Variants in MYH15 observed in about 807,000 individuals in gnomAD.
MYH15 encodes the protein myosin heavy chain 15.
Under a neutral mutation model 240.5 loss-of-function variants are expected in MYH15, and 227 were observed. That is an observed-to-expected ratio of 0.94 (90% CI 0.85 to 1.05). The LOEUF is 1.05. MYH15 is among the 50% of genes least tolerant of loss of function. MYH15 has a pLI of 0.00. For synonymous variants in MYH15, 785 were observed against 796.7 expected (o/e 0.99, Z 0.25); for missense variants, 2,217 against 2,247.5 (o/e 0.99, Z 0.27).
At chr3:108,435,804 GTGTATATGTATATATACATATA>G (rs930732767) in intron 25 of MYH15, among the ~76,000 whole-genome samples, 27 of 144,716 alleles carry the variant, frequency 1.9e-4, no homozygotes, top group South Asian at 2.2e-4. Context: ...ATAGGTTTTT[GTGTATATGTATATATACATATA>G]TGTATATGTA....
intron 30 of MYH15, among the ~76,000 whole-genome samples, chr3:108,413,508 C>G (rs1427762767): frequency 6.6e-6 from 1 of 152,124 alleles, no homozygotes; most frequent in Admixed American, 6.5e-5. Flanking sequence ...TTGAGTAAAC[C>G]TTGAATGATT....
At chr3:108,512,579 G>A (rs951263609), upstream of MYH15, among the ~76,000 whole-genome samples, 2 of 152,178 alleles carry the variant, frequency 1.3e-5, no homozygotes, top group Admixed American at 6.6e-5. Flanking sequence ...CCTAAGAAAT[G>A]GATGTCTGTC....
chr3:108,540,259 C>T, the MYH15 span, among the ~76,000 whole-genome samples: 4 of 152,150 alleles, frequency 2.6e-5, no homozygotes, highest in African/African-American at 9.7e-5. Context: ...AAAATGTTAG[C>T]TAAAGTCATG....
intron 15 of MYH15, among the ~76,000 whole-genome samples, chr3:108,464,318 C>T (rs1403170299): frequency 6.6e-6 from 1 of 152,144 alleles, no homozygotes. Flanking sequence ...CATTCATTCA[C>T]ACAACGTTAA....
At position 108,428,774 on chromosome 3, in the gene MYH15, C is replaced by T; in HGVS notation, c.3420G>A (p.Glu1140=). 6.2e-7 allele frequency: 1 copy of T among 1,614,076 alleles called. No individual in the cohort carries two copies. Among genetic ancestry groups the T allele is most frequent in the Non-Finnish European group, 8.5e-7 (1 of 1,179,996 alleles). ...TGGATCCTCCTACCTCCTCCAGCCT[C>T]TCATTCAAGTCAGCCAGGTCTTGGG... The part of the protein sequence containing the change: ...DLTQDLADLN[E]RLEEVGGSSL... Residue 1140 remains glutamate (E), a synonymous_variant, in exon 27 of 41, where the codon GAG becomes GAA. Coordinates refer to ENST00000693548, the MANE Select transcript of MYH15 (RefSeq NM_014981.3).
In MYH15 at chr3:108,484,171, C is replaced by T. The variant is rs370885950; in HGVS notation, c.1114+920G>A. Among the ~76,000 whole-genome samples the T allele has an allele frequency of 1.2e-4, 18 of 152,164 alleles. 1 individual carries two copies. In the South Asian group the frequency reaches 1.2e-3, roughly 11 times the overall value. On this transcript the variant is annotated intron_variant, in intron 11 of 40. Coordinates refer to ENST00000693548, the MANE Select transcript of MYH15 (RefSeq NM_014981.3). ...ATGAATGGGTTTTCTCTTTTTGTTT[C>T]GGTTGTAAGGAATTTTAATATTAAA... is the stretch of plus-strand genomic sequence containing the variant.
chr3:108,415,715 G>GGAA (rs2107551262), intron 29 of MYH15, among the ~76,000 whole-genome samples: 1 of 152,268 alleles, frequency 6.6e-6, no homozygotes, highest in African/African-American at 2.4e-5. Context: ...TTAAGCAACG[G>GGAA]GAAGGGCAGT....
chr3:108,421,199 G>A lies in MYH15; in HGVS notation c.3718C>T (p.Leu1240Phe), dbSNP rs755115200. ...MTRAKANAEKLCTLYEERLHE... is the reference protein window; with the variant it reads ...MTRAKANAEKFCTLYEERLHE... ...AAGCGCTCTTCATATAGAGTACAGA[G>A]TTTCTCAGCATTTGCCTATAAGTTG... Residue 1240 changes from leucine to phenylalanine, a missense_variant, in exon 28 of 41, where the codon CTC (leucine) becomes TTC (phenylalanine). Leu to Phe is a conservative substitution (Grantham distance 22). Coordinates refer to ENST00000693548, the MANE Select transcript of MYH15 (RefSeq NM_014981.3). 1.9e-5 allele frequency: 31 copies of A among 1,612,968 alleles called. No homozygotes were observed. Among genetic ancestry groups the A allele is most frequent in the Middle Eastern group, 3.3e-4 (2 of 6,058 alleles).
At position 108,383,821 on chromosome 3, in the gene MYH15, GTGAAA is replaced by G. The variant is rs1379612791; in HGVS notation, c.5632-97_5632-93del. 2.9e-6 allele frequency: 3 copies of G among 1,038,384 alleles called. No homozygotes were observed. The African/African-American group carries it at 5.0e-5, about 17-fold the overall frequency. 64.3% of individuals were successfully genotyped at this position (1,038,384 alleles called of 1,614,324 possible). ...CTCTGACATGAGAAAGTTGAATAAT[GTGAAA>G]AGAATCTAAACTTCTGAGTATTGAA... On this transcript the variant is annotated intron_variant, in intron 39 of 40. Transcript: ENST00000693548.
At chr3:108,402,373 C>A (rs1420886087) in intron 33 of MYH15, among the ~76,000 whole-genome samples, 9 of 152,172 alleles carry the variant, frequency 5.9e-5, no homozygotes, top group Non-Finnish European at 2.9e-5. Context: ...GTGGACTTTA[C>A]AGAAGGAACA....
At chr3:108,520,955 G>T (rs1032109150) in intron 1 of MYH15, among the ~76,000 whole-genome samples, 6 of 151,982 alleles carry the variant, frequency 3.9e-5, no homozygotes, top group African/African-American at 1.2e-4. Flanking sequence ...GTAAGATAGG[G>T]TTTATTATTC....
chr3:108,437,653 T>G lies in MYH15; in HGVS notation c.3122A>C (p.Glu1041Ala). 2 of 1,614,042 alleles carry G rather than the reference T, an allele frequency of 1.2e-6. No homozygotes were observed. The highest frequency in any genetic ancestry group is 1.7e-6 in the Non-Finnish European group (2 of 1,179,980). Residue 1041 changes from glutamate to alanine, a missense_variant, in exon 25 of 41, where the codon GAA (glutamate) becomes GCA (alanine). Coordinates refer to ENST00000693548, the MANE Select transcript of MYH15 (RefSeq NM_014981.3). ...GCCCTCCAGTTTGTGCAGTTCCCTT[T>G]CACAGTTCATTCTCGCTTTTCTCTC... ...EQERKARMNC[E>A]RELHKLEGNL...
intron 28 of MYH15, 26 bp downstream of exon 28, chr3:108,421,062 A>G (rs1352543558): frequency 6.2e-7 from 1 of 1,613,248 alleles, no homozygotes; most frequent in East Asian, 2.2e-5. Flanking sequence ...AGAATTGCCT[A>G]TGAGTCAAGC....
intron 2 of MYH15, among the ~76,000 whole-genome samples, chr3:108,503,945 T>A (rs1395209005): frequency 1.3e-5 from 2 of 152,224 alleles, no homozygotes; most frequent in Admixed American, 6.5e-5. Context: ...TATATCCATA[T>A]AATGGAATAC....
At chr3:108,496,354 G>A (rs1420535496) in intron 6 of MYH15, among the ~76,000 whole-genome samples, 2 of 152,132 alleles carry the variant, frequency 1.3e-5, no homozygotes, top group African/African-American at 4.8e-5. Context: ...GTTCACATGA[G>A]TAGTGACTTT....
intron 5 of MYH15, among the ~76,000 whole-genome samples, chr3:108,499,163 C>T (rs770586717): frequency 2.0e-5 from 3 of 152,150 alleles, no homozygotes; most frequent in Admixed American, 6.5e-5. Flanking sequence ...CCATTTGGAA[C>T]AGTGTAGCTC....
At chr3:108,485,496 T>A (rs2083298853) in intron 10 of MYH15, among the ~76,000 whole-genome samples, 1 of 152,220 alleles carries the variant, frequency 6.6e-6, no homozygotes, top group African/African-American at 2.4e-5. Flanking sequence ...CTCTCTCTTG[T>A]TCCTTCCAGC....
intron 9 of MYH15, 140 bp downstream of exon 9, chr3:108,492,360 C>A (rs781038465): frequency 2.0e-6 from 1 of 494,418 alleles, no homozygotes; most frequent in Non-Finnish European, 3.6e-6. Flanking sequence ...ATAATTGATT[C>A]AATTCCCTAA....
rs150398094 is a variant in MYH15, at chr3:108,420,369, A to G, written c.3829+719T>C. Among the ~76,000 whole-genome samples the G allele has an allele frequency of 2.6e-5, 4 of 152,316 alleles. No individual in the cohort carries two copies. The East Asian group carries it at 7.7e-4, about 29-fold the overall frequency. On this transcript the variant is annotated intron_variant, in intron 28 of 40. Coordinates refer to ENST00000693548, the MANE Select transcript of MYH15 (RefSeq NM_014981.3). The stretch of plus-strand genomic sequence containing the variant: ...AGTTTGAACTTAATAAATAGTATGA[A>G]AAGAGAAGCTCTTGAGGAAATGAGT...
Sources: gnomAD v4.1 joint callset for allele counts (sites outside exome capture counted in the v4.1 genomes callset) on GRCh38, gnomAD v4.1.1 for gene constraint, MANE v1.5 for transcripts, NCBI Gene and HGNC (gene_info 2026-07-23, HGNC 2026-07-21) for gene names.